The following CDC42BPB variants were observed in gnomAD, a reference collection of about 807,000 sequenced individuals.
CDC42BPB encodes CDC42 binding protein kinase beta, also known as serine/threonine-protein kinase MRCK beta.
In CDC42BPB, 37 loss-of-function variants were observed where a neutral mutation model predicts 214.9. That is an observed-to-expected ratio of 0.17 (90% CI 0.13 to 0.23). The LOEUF (loss-of-function observed/expected upper bound fraction) is 0.23. Among genes scored for constraint, CDC42BPB ranks in the 10% least tolerant of loss-of-function variants. The pLI is 1.00. For missense variants in CDC42BPB, 1,694 were observed against 2,227.0 expected, an observed-to-expected ratio of 0.76 and a Z score of 4.82; for synonymous variants, 931 against 884.0, an observed-to-expected ratio of 1.05 and a Z score of -0.94.
At position 102,938,307 on chromosome 14, in the gene CDC42BPB, T is replaced by C; in HGVS notation, c.4932A>G (p.Ser1644=). The change falls in exon 35 of 37, where the codon TCA becomes TCG. Residue 1644 remains serine, a splice_region_variant and synonymous_variant. Coordinates refer to ENST00000361246, the MANE Select transcript of CDC42BPB (RefSeq NM_006035.4). ...GCGGGGGCCAGGCTTCCCCTGTACC[T>C]GATGAGGGCCACGAGATGTAGGGCT... ...RNKPYISWPS[S]GGSEPSVTVP... is the part of the protein sequence containing the mutation. The C allele has an allele frequency of 6.2e-7, 1 of 1,608,140 alleles. No homozygotes were observed. The highest frequency in any genetic ancestry group is 1.1e-5 in the South Asian group (1 of 89,964).
At chr14:102,969,138 G>A (rs528035795) in intron 14 of CDC42BPB, among the ~76,000 whole-genome samples, 6 of 149,142 alleles carry the variant, frequency 4.0e-5, no homozygotes, top group Middle Eastern at 3.5e-3. Flanking sequence ...AGTGGAGGGC[G>A]TGCCAGGATG....
chr14:103,042,840 T>G (rs145026599), intron 1 of CDC42BPB, among the ~76,000 whole-genome samples: 367 of 152,300 alleles, frequency 2.4e-3, no homozygotes, highest in Admixed American at 4.6e-3. Flanking sequence ...GGTGGGAATG[T>G]AGACCACTGT....
intron 8 of CDC42BPB, among the ~76,000 whole-genome samples, chr14:102,980,386 G>A (rs574889886): frequency 2.9e-4 from 44 of 152,200 alleles, no homozygotes; most frequent in Admixed American, 9.2e-4. Context: ...TCAGCTACTC[G>A]GGAGGCTGAG....
rs185941086 is a variant in CDC42BPB at position 102,994,330 on chromosome 14, C to T, written c.596+5235G>A. On this transcript the variant is annotated intron_variant, in intron 5 of 36. Transcript: ENST00000361246. ...ATTTGCACGCACTGGGGGTCATCTG[C>T]GCCGTATAATTCTGTATTTAAAACA... is the stretch of plus-strand genomic sequence containing the variant. 1.5e-4 allele frequency among the ~76,000 whole-genome samples: 23 copies of T among 152,138 alleles called. 1 individual carries two copies. The South Asian group carries it at 2.1e-3, about 14-fold the overall frequency.
At chr14:103,040,015 C>T (rs1027344572) in intron 1 of CDC42BPB, among the ~76,000 whole-genome samples, 2 of 152,072 alleles carry the variant, frequency 1.3e-5, no homozygotes, top group African/African-American at 4.8e-5. Context: ...CAACTCTTAC[C>T]CCTGCACTGT....
At chr14:102,938,631 T>G (rs1891749660) in intron 34 of CDC42BPB, 2 of 894,200 alleles carry the variant, frequency 2.2e-6, no homozygotes, top group Non-Finnish European at 2.7e-6. Context: ...AGCGTACTTT[T>G]TTTGTTTGTT....
chr14:102,938,639 G>C (rs1429339549), intron 34 of CDC42BPB: 3 of 821,808 alleles, frequency 3.7e-6, no homozygotes, highest in Non-Finnish European at 4.4e-6. Context: ...TTTTTTGTTT[G>C]TTTGTTTGAG....
chr14:102,986,738 G>T, intron 5 of CDC42BPB, 158 bp from the exon 6 acceptor site: 1 of 985,174 alleles, frequency 1.0e-6, no homozygotes, highest in Non-Finnish European at 1.2e-6. Flanking sequence ...CATTCAGCTG[G>T]CATGGTGGCA....
At chr14:103,028,879 CT>C (rs1887193433) in intron 1 of CDC42BPB, among the ~76,000 whole-genome samples, 1 of 152,150 alleles carries the variant, frequency 6.6e-6, no homozygotes, top group Admixed American at 6.5e-5. Context: ...ATGCCAGGGA[CT>C]TTTTTTCATC....
At chr14:102,975,581 T>C (rs74642922) in intron 11 of CDC42BPB, 103 bp downstream of exon 11, 4 of 1,249,250 alleles carry the variant, frequency 3.2e-6, no homozygotes, top group African/African-American at 1.5e-5. Context: ...AAGCCTAAGC[T>C]TTTTTTCTGC....
intron 5 of CDC42BPB, among the ~76,000 whole-genome samples, chr14:102,989,810 G>C (rs1360909680): frequency 6.6e-6 from 1 of 150,648 alleles, no homozygotes; most frequent in African/African-American, 2.5e-5. Flanking sequence ...AGTGAGCCGA[G>C]ATCGCACCAC....
Position 102,950,562 on chromosome 14 carries a change from G to T in CDC42BPB, c.3213C>A (p.Ala1071=), listed in dbSNP as rs1172934631. The change falls in exon 25 of 37, where the codon GCC becomes GCA. Residue 1071 remains alanine (A), a synonymous_variant. Coordinates refer to ENST00000361246, the MANE Select transcript of CDC42BPB (RefSeq NM_006035.4). The stretch of plus-strand genomic sequence containing the variant: ...CGGGAGGTATTGGGCACACCTGGGG[G>T]GCACCGTCTTTGCAGGACACGTGGC... ...FACHVSCKDG[A]PQVCPIPPEQ... is the part of the protein sequence containing the mutation. 1 of 1,607,236 alleles carries T rather than the reference G, an allele frequency of 6.2e-7. No homozygotes were observed. The highest frequency in any genetic ancestry group is 1.7e-5 in the Admixed American group (1 of 58,870).
At chr14:102,986,711 C>T in intron 5 of CDC42BPB, 131 bp from the exon 6 acceptor site, 1 of 1,375,614 alleles carries the variant, frequency 7.3e-7, no homozygotes, top group Non-Finnish European at 9.4e-7. Flanking sequence ...CCATCCAGTA[C>T]AAATGCCTCT....
At position 102,938,178 on chromosome 14, in the gene CDC42BPB, C is replaced by A. The variant is rs1194488777; in HGVS notation, c.4934-4G>T. 5 of 1,613,172 alleles carry A rather than the reference C, an allele frequency of 3.1e-6. No individual in the cohort carries two copies. Among genetic ancestry groups the A allele is most frequent in the Non-Finnish European group, 4.2e-6 (5 of 1,179,688 alleles). ...GTCACGCTAGGCTCCGATCCACCTACAGAACAAGGACAGCTTTCCTCTTAG... is the reference window on the plus strand; with the variant it reads ...GTCACGCTAGGCTCCGATCCACCTAAAGAACAAGGACAGCTTTCCTCTTAG... On this transcript the variant is annotated splice_polypyrimidine_tract_variant and splice_region_variant and intron_variant, in intron 35 of 36. Transcript: ENST00000361246.
At chr14:102,987,276 C>T (rs969387122) in intron 5 of CDC42BPB, among the ~76,000 whole-genome samples, 1 of 152,248 alleles carries the variant, frequency 6.6e-6, no homozygotes, top group Non-Finnish European at 1.5e-5. Flanking sequence ...CCCACTAACG[C>T]CTGTTTCTAA....
chr14:102,974,156 A>G lies in CDC42BPB; in HGVS notation c.1508-7T>C. The G allele has an allele frequency of 1.2e-6, 2 of 1,612,870 alleles. No homozygotes were observed. Among genetic ancestry groups the G allele is most frequent in the Non-Finnish European group, 8.5e-7 (1 of 1,179,646 alleles). On this transcript the variant is annotated splice_region_variant and splice_polypyrimidine_tract_variant and intron_variant, in intron 11 of 36. Transcript: ENST00000361246. ...CGCTCGAGCCTGTTTGAATCTGGAC[A>G]AAAGAGGAAATAAACTCTGTTCCTT...
chr14:102,959,603 G>A (rs377323237), intron 21 of CDC42BPB, 28 bp downstream of exon 21: 33 of 1,488,708 alleles, frequency 2.2e-5, no homozygotes, highest in Admixed American at 1.8e-5. Flanking sequence ...AAACTCATCT[G>A]TCACTTAAAA....
rs1469800264 is a variant in CDC42BPB, at chr14:102,941,033, C to T, written c.4409-709G>A. 16 of 831,516 alleles carry T rather than the reference C, an allele frequency of 1.9e-5. No homozygotes were observed. In the South Asian group the frequency reaches 5.4e-4, roughly 28 times the overall value. The allele number at this position is 831,516 out of a possible 1,614,324, so 51.5% of individuals were successfully genotyped here. On this transcript the variant is annotated intron_variant, in intron 30 of 36. Transcript: ENST00000361246. ...AACCAAGGACTGCAAAGCCTTTGGC[C>T]ATTTGGAGTTTAAGGGGCTTTCTCC...
At position 102,946,864 on chromosome 14, in the gene CDC42BPB, G is replaced by A. The variant is rs555887252; in HGVS notation, c.3532-180C>T. 99 of 985,432 alleles carry A rather than the reference G, an allele frequency of 1.0e-4. No homozygotes were observed. The South Asian group carries it at 1.5e-3, about 14-fold the overall frequency. 61.0% of individuals were successfully genotyped at this position (985,432 alleles called of 1,614,324 possible). ...TGCAGAGGCTCCCGCGGCAGGACAC[G>A]GAAGGGGCGGGGTTCTAAACAGCCC... On this transcript the variant is annotated intron_variant, in intron 27 of 36. Coordinates refer to ENST00000361246, the MANE Select transcript of CDC42BPB (RefSeq NM_006035.4).
Sources: allele counts gnomAD v4.1 joint callset (sites outside exome capture counted in the v4.1 genomes callset), GRCh38; gene constraint gnomAD v4.1.1; transcripts MANE v1.5; gene names NCBI Gene and HGNC (gene_info 2026-07-23, HGNC 2026-07-21).